The following PCDHA5 variants were observed in gnomAD, a reference collection of about 807,000 sequenced individuals.
PCDHA5 encodes protocadherin alpha 5, also known as protocadherin alpha-5.
A neutral mutation model predicts 61.6 loss-of-function variants in PCDHA5; 43 were observed. That is an observed-to-expected ratio of 0.70 (90% CI 0.55 to 0.90). The LOEUF is 0.90. Among genes scored for constraint, PCDHA5 ranks in the 40% least tolerant of loss-of-function variants. The pLI is 0.00. For missense variants in PCDHA5, 1,298 were observed against 1,222.7 expected (o/e 1.06, Z -0.92); for synonymous variants, 627 against 543.9 (o/e 1.15, Z -2.13).
chr5:140,845,092 C>G (rs145327720), intron 1 of PCDHA5, among the ~76,000 whole-genome samples: 1 of 149,560 alleles, frequency 6.7e-6, no homozygotes, highest in South Asian at 2.1e-4. Flanking sequence ...GTTTATTTTA[C>G]AGTTCTCTTA....
At chr5:140,848,343 C>G (rs1581147757) in intron 1 of PCDHA5, 14 of 898,934 alleles carry the variant, frequency 1.6e-5, no homozygotes, top group Non-Finnish European at 2.1e-5. Context: ...CAGACAAATA[C>G]AGCCCTTTTC....
chr5:140,841,810 A>G (rs782078620), intron 1 of PCDHA5: 2 of 1,613,740 alleles, frequency 1.2e-6, no homozygotes. Context: ...CAGATGTTGG[A>G]GCTAACTCCG....
intron 1 of PCDHA5, chr5:140,865,657 A>C (rs2048950943): frequency 6.6e-6 from 1 of 152,200 alleles, no homozygotes; most frequent in Admixed American, 6.5e-5. Flanking sequence ...ATTTCATTTA[A>C]TACTTATAAC....
chr5:140,935,144 A>C (rs1289868558), intron 1 of PCDHA5, among the ~76,000 whole-genome samples: 1 of 152,184 alleles, frequency 6.6e-6, no homozygotes, highest in Non-Finnish European at 1.5e-5. Flanking sequence ...TGATACTTAG[A>C]GATATAATCT....
At chr5:140,830,361 G>A (rs147693617) in intron 1 of PCDHA5, 1 of 1,614,126 alleles carries the variant, frequency 6.2e-7, no homozygotes, top group East Asian at 2.2e-5. Context: ...AGGCGGCAGA[G>A]GGTGTGCTCC....
rs2150454845 is a variant in PCDHA5 at position 140,849,865 on chromosome 5, A to C, written c.2352+25738A>C. On this transcript the variant is annotated intron_variant, in intron 1 of 3. Transcript: ENST00000529859. ...AACGACAACGCACCAGCGTTCGCGC[A>C]GTCCGAGTACACGGTGTTCGTGAAG... 1.4e-5 allele frequency: 23 copies of C among 1,598,572 alleles called. 3 individuals carry two copies. The highest frequency in any genetic ancestry group is 1.8e-5 in the Non-Finnish European group (21 of 1,167,972).
At chr5:140,924,209 A>T (rs1470255016) in intron 1 of PCDHA5, among the ~76,000 whole-genome samples, 1 of 152,242 alleles carries the variant, frequency 6.6e-6, no homozygotes, top group Non-Finnish European at 1.5e-5. Flanking sequence ...AAATTTGGTG[A>T]AGAATAAGTT....
chr5:140,915,863 A>C (rs1424465325), intron 1 of PCDHA5, among the ~76,000 whole-genome samples: 1 of 152,172 alleles, frequency 6.6e-6, no homozygotes, highest in Non-Finnish European at 1.5e-5. Context: ...CCAAGTTTGC[A>C]TCCTTCCCTT....
intron 1 of PCDHA5, among the ~76,000 whole-genome samples, chr5:140,886,840 A>G (rs1175023921): frequency 4.0e-5 from 6 of 151,546 alleles, no homozygotes; most frequent in South Asian, 2.1e-4. Context: ...AAAAAAAAAA[A>G]AAAAAAAGAA....
At chr5:140,927,004 A>C (rs1194923615) in intron 1 of PCDHA5, 1 of 1,612,238 alleles carries the variant, frequency 6.2e-7, no homozygotes, top group Non-Finnish European at 8.5e-7. Flanking sequence ...AGCCGTAGGC[A>C]ATCTCTCCGC....
At chr5:140,828,891 C>G (rs189039710) in intron 1 of PCDHA5, 11 of 1,614,240 alleles carry the variant, frequency 6.8e-6, no homozygotes, top group Middle Eastern at 3.3e-4. Flanking sequence ...CTGAATGCTT[C>G]TGATCGGGAT....
chr5:140,870,005 T>A lies in PCDHA5; in HGVS notation c.2352+45878T>A, dbSNP rs1006397532. 1 of 1,612,940 alleles carries A rather than the reference T, an allele frequency of 6.2e-7. No individual in the cohort carries two copies. The highest frequency in any genetic ancestry group is 1.7e-5 in the Admixed American group (1 of 59,888). The stretch of plus-strand genomic sequence containing the variant: ...ACACTAGATCAAAATAATGGAGAAG[T>A]GAGGGTCAATGGAACTTTAGATTAT... On this transcript the variant is annotated intron_variant, in intron 1 of 3. Coordinates refer to ENST00000529859, the MANE Select transcript of PCDHA5 (RefSeq NM_018908.3).
At chr5:140,860,741 A>ATT (rs1466220052) in intron 1 of PCDHA5, 6 of 152,018 alleles carry the variant, frequency 3.9e-5, no homozygotes, top group African/African-American at 1.4e-4. Context: ...TTTGTTTTTT[A>ATT]TTTTTTATTT....
chr5:140,834,888 A>G (rs2150228712), intron 1 of PCDHA5: 2 of 1,605,238 alleles, frequency 1.2e-6, no homozygotes, highest in African/African-American at 1.4e-5. Context: ...CGCCCTGCTC[A>G]CTTACAGACT....
intron 1 of PCDHA5, chr5:140,843,055 C>A (rs2150351247): frequency 3.1e-6 from 5 of 1,595,020 alleles, no homozygotes; most frequent in Admixed American, 1.7e-5. Context: ...GCGCAGCGAG[C>A]AAGCTGGTGC....
chr5:140,834,582 G>A, intron 1 of PCDHA5: 1 of 1,614,134 alleles, frequency 6.2e-7, no homozygotes, highest in Non-Finnish European at 8.5e-7. Context: ...GTTCCGGGCG[G>A]TGTGCAAATT....
At chr5:140,923,878 G>A (rs1475731417) in intron 1 of PCDHA5, among the ~76,000 whole-genome samples, 3 of 152,192 alleles carry the variant, frequency 2.0e-5, no homozygotes, top group Non-Finnish European at 4.4e-5. Context: ...TCTGAGAAGC[G>A]TGTGAAAGAG....
chr5:140,835,661 C>A (rs2150241056), intron 1 of PCDHA5: 5 of 1,613,768 alleles, frequency 3.1e-6, no homozygotes, highest in Non-Finnish European at 4.2e-6. Flanking sequence ...TGGTGGTTAC[C>A]GCGCGGGACG....
At chr5:140,903,370 G>A (rs1185137848) in intron 1 of PCDHA5, among the ~76,000 whole-genome samples, 8 of 152,136 alleles carry the variant, frequency 5.3e-5, no homozygotes, top group African/African-American at 1.9e-4. Flanking sequence ...AAAAATATAG[G>A]GAGGATTGTG....
Sources: allele counts gnomAD v4.1 joint callset (sites outside exome capture counted in the v4.1 genomes callset), GRCh38; gene constraint gnomAD v4.1.1; transcripts MANE v1.5; gene names NCBI Gene and HGNC (gene_info 2026-07-23, HGNC 2026-07-21).